Variants in RRAGD observed in about 807,000 individuals in gnomAD.
RRAGD encodes the protein Ras related GTP binding D, also known as ras-related GTP-binding protein D.
In RRAGD, 12 loss-of-function variants were observed where a neutral mutation model predicts 35.5. That is an observed-to-expected ratio of 0.34 (90% CI 0.22 to 0.55). The LOEUF (loss-of-function observed/expected upper bound fraction) is 0.55. RRAGD is among the 20% of genes least tolerant of loss of function. The pLI, the probability that RRAGD is intolerant of heterozygous loss-of-function variation, is 0.91. For missense variants in RRAGD, 324 were observed against 490.1 expected, an observed-to-expected ratio of 0.66 and a Z score of 3.20; for synonymous variants, 155 against 178.9, an observed-to-expected ratio of 0.87 and a Z score of 1.07.
intron 1 of RRAGD, among the ~76,000 whole-genome samples, chr6:89,405,715 C>T (rs1016368699): frequency 4.6e-5 from 7 of 152,266 alleles, no homozygotes; most frequent in African/African-American, 1.7e-4. Context: ...AGAATTTCTT[C>T]GCTATTAGTA....
intron 1 of RRAGD, among the ~76,000 whole-genome samples, chr6:89,399,106 G>T (rs1476401197): frequency 2.0e-5 from 3 of 152,206 alleles, no homozygotes; most frequent in African/African-American, 7.2e-5. Context: ...TATGGGCGTA[G>T]ATTTTAATGT....
chr6:89,365,556 C>A lies in RRAGD; in HGVS notation c.*2500G>T, dbSNP rs1768725721. 1 of 152,216 alleles carries A rather than the reference C, an allele frequency of 6.6e-6. No homozygotes were observed. Among genetic ancestry groups the A allele is most frequent in the Non-Finnish European group, 1.5e-5 (1 of 68,040 alleles). 9.4% of individuals were successfully genotyped at this position (152,216 alleles called of 1,614,324 possible). On this transcript the variant is annotated 3_prime_UTR_variant, in exon 7 of 7. Transcript: ENST00000369415. ...ACTGAACGCTTAGACATAACTCCTG[C>A]ATCTTTCTTTAATTAAGAAGTCATT...
intron 1 of RRAGD, among the ~76,000 whole-genome samples, chr6:89,403,854 C>T (rs188086301): frequency 1.0e-3 from 152 of 152,032 alleles, no homozygotes; most frequent in African/African-American, 3.5e-3. Context: ...AGCAGGGTCT[C>T]GCCATGTTGT....
At chr6:89,397,100 T>C (rs922038761) in intron 1 of RRAGD, among the ~76,000 whole-genome samples, 5 of 152,060 alleles carry the variant, frequency 3.3e-5, no homozygotes, top group Non-Finnish European at 7.4e-5. Flanking sequence ...CCCAAGAAGA[T>C]TTATGGAAGG....
chr6:89,379,851 T>A (rs1166438784), intron 3 of RRAGD, among the ~76,000 whole-genome samples: 1 of 152,234 alleles, frequency 6.6e-6, no homozygotes, highest in Non-Finnish European at 1.5e-5. Flanking sequence ...AGATAATATC[T>A]TTATCAAGAA....
intron 1 of RRAGD, among the ~76,000 whole-genome samples, chr6:89,401,831 T>C (rs1194420785): frequency 6.6e-6 from 1 of 152,182 alleles, no homozygotes; most frequent in Non-Finnish European, 1.5e-5. Flanking sequence ...TAATAGTCCA[T>C]CTTTAGTATG....
At chr6:89,375,339 T>C (rs1768917903) in intron 5 of RRAGD, among the ~76,000 whole-genome samples, 1 of 152,168 alleles carries the variant, frequency 6.6e-6, no homozygotes, top group Non-Finnish European at 1.5e-5. Context: ...CACCAAAAAT[T>C]ACAAGTAGAA....
chr6:89,391,780 C>G (rs1769238945), intron 1 of RRAGD, among the ~76,000 whole-genome samples: 1 of 151,392 alleles, frequency 6.6e-6, no homozygotes, highest in Non-Finnish European at 1.5e-5. Context: ...TGTCAAAACC[C>G]CATCTCTACA....
rs151071197 is a variant in RRAGD, at chr6:89,404,715, G to T, written c.148+7131C>A. Among the ~76,000 whole-genome samples, 604 of 152,278 alleles carry T rather than the reference G, an allele frequency of 4.0e-3. 2 individuals are homozygous for T. Among genetic ancestry groups the T allele is most frequent in the Middle Eastern group, 0.01 (3 of 294 alleles). On this transcript the variant is annotated intron_variant, in intron 1 of 6. Transcript: ENST00000369415. ...CCCTGTCAAAAACCAACAGGCCTTAGTAAAAAAAGAAGGGAGAAAAAGATG... is the reference window on the plus strand; with the variant it reads ...CCCTGTCAAAAACCAACAGGCCTTATTAAAAAAAGAAGGGAGAAAAAGATG...
intron 1 of RRAGD, among the ~76,000 whole-genome samples, chr6:89,398,662 A>G (rs1337226759): frequency 6.6e-6 from 1 of 152,270 alleles, no homozygotes; most frequent in Admixed American, 6.5e-5. Context: ...GCTATCATGT[A>G]TGAAGGTGCC....
chr6:89,397,000 C>G (rs566256387), intron 1 of RRAGD, among the ~76,000 whole-genome samples: 3 of 152,004 alleles, frequency 2.0e-5, no homozygotes, highest in Non-Finnish European at 4.4e-5. Context: ...CTCGGCCTCC[C>G]GAATTGCTGG....
rs1248246944 is a variant in RRAGD at position 89,366,522 on chromosome 6, CT to C, written c.*1533del. On this transcript the variant is annotated 3_prime_UTR_variant, in exon 7 of 7. Transcript: ENST00000369415. The stretch of plus-strand genomic sequence containing the variant: ...GCACAAGCAACAGAATGAGGCCCCC[CT>C]CTAAAAAAAAAAAAAAAAAAAGTTT... 1.3e-4 allele frequency: 14 copies of C among 111,730 alleles called. No homozygotes were observed. Among genetic ancestry groups the C allele is most frequent in the Non-Finnish European group, 2.1e-4 (12 of 57,248 alleles). The allele number at this position is 111,730 out of a possible 1,614,324, so 6.9% of individuals were successfully genotyped here. A position where few individuals can be genotyped will look rare whatever the true frequency, so the allele number is the denominator to read the frequency against.
chr6:89,378,240 A>T (rs7453358), intron 4 of RRAGD, among the ~76,000 whole-genome samples: 60,670 of 151,364 alleles, frequency 0.4, 12,277 homozygotes, highest in South Asian at 0.49. Context: ...AGGCGGAGGT[A>T]GCGGTGAGCC....
chr6:89,377,931 T>C (rs4519988), intron 4 of RRAGD, 118 bp from the exon 5 acceptor site: 168,365 of 698,154 alleles, frequency 0.24, 22,117 homozygotes, highest in African/African-American at 0.35. Flanking sequence ...AACTCGCTAC[T>C]AAAAATTTAA....
chr6:89,411,775 G>C lies in RRAGD; in HGVS notation c.148+71C>G, dbSNP rs1405891369. On this transcript the variant is annotated intron_variant, in intron 1 of 6. Transcript: ENST00000369415. This position sits in a 1 kb window ranked among gnomAD's most constrained non-coding sequence, Gnocchi z 5.6. ...CCAAGTCGGTGGCTCGCGCACGGCC[G>C]GGCTGGGGGCGGGAAGGCGCCAAGG... 5 of 1,474,850 alleles carry C rather than the reference G, an allele frequency of 3.4e-6. No homozygotes were observed. The highest frequency in any genetic ancestry group is 4.5e-6 in the Non-Finnish European group (5 of 1,107,996). The allele number at this position is 1,474,850 out of a possible 1,614,324, so 91.4% of individuals were successfully genotyped here.
intron 4 of RRAGD, among the ~76,000 whole-genome samples, chr6:89,378,297 C>T (rs551588503): frequency 1.4e-5 from 2 of 143,350 alleles, no homozygotes; most frequent in Admixed American, 1.3e-4. Context: ...AGCAAAACTC[C>T]GTCTCAAAAA....
intron 1 of RRAGD, among the ~76,000 whole-genome samples, chr6:89,410,233 T>G (rs1333759756): frequency 6.6e-6 from 1 of 152,186 alleles, no homozygotes; most frequent in East Asian, 1.9e-4. Context: ...AGTATCAAAT[T>G]ACAGGGCTTT....
chr6:89,399,591 G>A (rs558008306), intron 1 of RRAGD, among the ~76,000 whole-genome samples: 2 of 152,200 alleles, frequency 1.3e-5, no homozygotes, highest in South Asian at 4.1e-4. Context: ...GGGCAACATG[G>A]CAAAACCCTC....
chr6:89,407,317 A>G (rs749983124), intron 1 of RRAGD, among the ~76,000 whole-genome samples: 1 of 152,114 alleles, frequency 6.6e-6, no homozygotes, highest in Non-Finnish European at 1.5e-5. Flanking sequence ...ATAAAAGGAT[A>G]CCAAAAGAAT....
Sources: gnomAD v4.1 joint callset for allele counts (sites outside exome capture counted in the v4.1 genomes callset) on GRCh38, gnomAD v4.1.1 for gene constraint, Gnocchi (gnomAD v3.1) non-coding constraint, MANE v1.5 for transcripts, NCBI Gene and HGNC (gene_info 2026-07-23, HGNC 2026-07-21) for gene names.